Variants in SAMD7 observed in about 807,000 individuals in gnomAD.
The protein encoded by SAMD7 is sterile alpha motif domain containing 7.
In SAMD7, 34 loss-of-function variants were observed where a neutral mutation model predicts 36.7. The observed-to-expected ratio is 0.93, with a 90% confidence interval of 0.71 to 1.23. SAMD7 has a LOEUF of 1.23. Among genes scored for constraint, SAMD7 ranks in the 50% most tolerant of loss-of-function variants. SAMD7 has a pLI of 0.00. For missense variants in SAMD7, 570 were observed against 546.6 expected (o/e 1.04, Z -0.43); for synonymous variants, 188 against 189.7 (o/e 0.99, Z 0.07).
intron 2 of SAMD7, among the ~76,000 whole-genome samples, chr3:169,915,793 G>C (rs113015447): frequency 6.6e-6 from 1 of 151,736 alleles, no homozygotes; most frequent in African/African-American, 2.4e-5. Context: ...GGCCAGGCTG[G>C]TCTCGAACTC....
Position 169,911,652 on chromosome 3 carries a change from T to C in SAMD7, c.-286T>C, listed in dbSNP as rs746271643. On this transcript the variant is annotated 5_prime_UTR_variant, in exon 1 of 9. Transcript: ENST00000335556. ...CATGAAATAGGACTAATCAACTTAGTTGAATTTGTATTTAAAGCAAGGTTA... is the reference window on the plus strand; with the variant it reads ...CATGAAATAGGACTAATCAACTTAGCTGAATTTGTATTTAAAGCAAGGTTA... The C allele has an allele frequency of 3.9e-5, 6 of 152,238 alleles. No individual in the cohort carries two copies. The highest frequency in any genetic ancestry group is 7.3e-5 in the Non-Finnish European group (5 of 68,038). 9.4% of individuals were successfully genotyped at this position (152,238 alleles called of 1,614,324 possible). A position where few individuals can be genotyped will look rare whatever the true frequency, so the allele number is the denominator to read the frequency against.
chr3:169,931,834 G>C (rs1431966741), intron 7 of SAMD7, among the ~76,000 whole-genome samples: 2 of 152,074 alleles, frequency 1.3e-5, no homozygotes, highest in Non-Finnish European at 2.9e-5. Flanking sequence ...CACTGCATGG[G>C]TAGCCACGAG....
chr3:169,931,355 T>C (rs1001247203), intron 7 of SAMD7, among the ~76,000 whole-genome samples: 2 of 152,160 alleles, frequency 1.3e-5, no homozygotes, highest in Non-Finnish European at 2.9e-5. Flanking sequence ...CCTGAGTACA[T>C]CCACCATGGC....
At chr3:169,913,777 A>G (rs1712693523) in intron 1 of SAMD7, among the ~76,000 whole-genome samples, 1 of 152,204 alleles carries the variant, frequency 6.6e-6, no homozygotes, top group Non-Finnish European at 1.5e-5. Flanking sequence ...CTAAAATAGA[A>G]AGGGGTGCCC....
At chr3:169,926,298 CT>C (rs1194390636) in intron 5 of SAMD7, 2 of 1,391,632 alleles carry the variant, frequency 1.4e-6, no homozygotes, top group East Asian at 6.7e-5. Flanking sequence ...AGCCCCATCC[CT>C]GCTAAATTTG....
chr3:169,936,394 A>T lies in SAMD7; in HGVS notation c.1097A>T (p.His366Leu). The part of the protein sequence containing the change: ...GETLPLLTEE[H>L]LRGTMGLKLG... ...ACTTTGCCATTACTCACAGAAGAGC[A>T]TCTTCGAGGCACTATGGGATTAAAG... The change falls in exon 8 of 9, where the codon CAT becomes CTT. Residue 366 changes from histidine (H) to leucine (L), a missense_variant. Transcript: ENST00000335556. 1 of 1,613,890 alleles carries T rather than the reference A, an allele frequency of 6.2e-7. No individual in the cohort carries two copies. Among genetic ancestry groups the T allele is most frequent in the South Asian group, 1.1e-5 (1 of 91,070 alleles).
chr3:169,932,064 C>A, intron 7 of SAMD7: 1 of 559,140 alleles, frequency 1.8e-6, no homozygotes, highest in Non-Finnish European at 3.0e-6. Context: ...CAAAGTTTTC[C>A]TGATTGACAA....
At chr3:169,919,981 T>A (rs772475721) in intron 3 of SAMD7, among the ~76,000 whole-genome samples, 2 of 152,176 alleles carry the variant, frequency 1.3e-5, no homozygotes, top group African/African-American at 2.4e-5. Context: ...GAGACCAGCC[T>A]GACCAAAATG....
rs1713195781 is a variant in SAMD7 at position 169,925,000 on chromosome 3, T to C, written c.212-58T>C. ...ACATTGTTATAGTTTATTTTATTAT[T>C]TTCAAATGCATGTTTTTAATTTATT... On this transcript the variant is annotated intron_variant, in intron 4 of 8. Coordinates refer to ENST00000335556, the MANE Select transcript of SAMD7 (RefSeq NM_001304366.2). 6 of 1,077,396 alleles carry C rather than the reference T, an allele frequency of 5.6e-6. No individual in the cohort carries two copies. The African/African-American group carries it at 9.7e-5, about 17-fold the overall frequency. The allele number at this position is 1,077,396 out of a possible 1,614,324, so 66.7% of individuals were successfully genotyped here. A position where few individuals can be genotyped will look rare whatever the true frequency, so the allele number is the denominator to read the frequency against.
chr3:169,922,733 A>G (rs1713099545), intron 4 of SAMD7, among the ~76,000 whole-genome samples: 1 of 152,180 alleles, frequency 6.6e-6, no homozygotes, highest in African/African-American at 2.4e-5. Context: ...CTCCTGACTT[A>G]AGTCATCCAC....
intron 7 of SAMD7, among the ~76,000 whole-genome samples, chr3:169,934,567 C>G (rs1361040043): frequency 6.6e-6 from 1 of 152,168 alleles, no homozygotes; most frequent in Non-Finnish European, 1.5e-5. Flanking sequence ...TCTGCCGTCC[C>G]CCAGAAGTGA....
At chr3:169,916,936 C>A (rs1462198812) in intron 2 of SAMD7, among the ~76,000 whole-genome samples, 2 of 152,138 alleles carry the variant, frequency 1.3e-5, no homozygotes, top group South Asian at 2.1e-4. Flanking sequence ...TCCGACCCAG[C>A]CTGTGTTCTC....
chr3:169,928,463 A>T lies in SAMD7; in HGVS notation c.926A>T (p.His309Leu), dbSNP rs1333668089. 1 of 1,611,702 alleles carries T rather than the reference A, an allele frequency of 6.2e-7. No individual in the cohort carries two copies. The highest frequency in any genetic ancestry group is 1.7e-5 in the Admixed American group (1 of 60,024). ...PVPRPSLPGT[H>L]ALVTIGGNLS... ...ATTTCTTTCCATTTTAAAGGAACAC[A>T]TGCACTGGTTACAATTGGGGGGAAT... The change falls in exon 7 of 9, where the codon CAT becomes CTT. Residue 309 changes from histidine to leucine, a missense_variant. Physicochemically the swap from His to Leu is moderately conservative, Grantham distance 99. Transcript: ENST00000335556.
chr3:169,935,911 A>G (rs1453452473), intron 7 of SAMD7, among the ~76,000 whole-genome samples: 1 of 152,198 alleles, frequency 6.6e-6, no homozygotes, highest in African/African-American at 2.4e-5. Flanking sequence ...CAGATACCAC[A>G]TCTGTAAATG....
intron 2 of SAMD7, among the ~76,000 whole-genome samples, chr3:169,915,883 C>T (rs1449856934): frequency 4.0e-5 from 6 of 151,812 alleles, no homozygotes; most frequent in Non-Finnish European, 4.4e-5. Flanking sequence ...CAGCCTGAGC[C>T]CTATATTTTT....
At chr3:169,936,225 T>G in intron 7 of SAMD7, 114 bp from the exon 8 acceptor site, 1 of 641,790 alleles carries the variant, frequency 1.6e-6, no homozygotes, top group Non-Finnish European at 2.8e-6. Context: ...CAAATTTTTT[T>G]GTCATCCTCA....
At chr3:169,933,452 G>A (rs570340265) in intron 7 of SAMD7, among the ~76,000 whole-genome samples, 1 of 152,258 alleles carries the variant, frequency 6.6e-6, no homozygotes, top group African/African-American at 2.4e-5. Flanking sequence ...ATCACCTTCT[G>A]AATTCCTCAG....
intron 7 of SAMD7, among the ~76,000 whole-genome samples, chr3:169,929,061 GTATT>G (rs759561325): frequency 1.3e-5 from 2 of 152,270 alleles, no homozygotes; most frequent in Admixed American, 6.5e-5. Flanking sequence ...TTTAAATTCT[GTATT>G]TATGCTGGGA....
chr3:169,926,446 C>T, intron 5 of SAMD7, 107 bp from the exon 6 acceptor site: 3 of 1,271,068 alleles, frequency 2.4e-6, no homozygotes, highest in Non-Finnish European at 1.1e-6. Context: ...ACCAAACAAA[C>T]TTCAGATAAA....
Sources: allele counts gnomAD v4.1 joint callset (sites outside exome capture counted in the v4.1 genomes callset), GRCh38; gene constraint gnomAD v4.1.1; transcripts MANE v1.5; gene names NCBI Gene and HGNC (gene_info 2026-07-23, HGNC 2026-07-21).